F2: variants seen among roughly 807,000 people sequenced by gnomAD.
The protein encoded by F2 is prothrombin.
A neutral mutation model predicts 81.9 loss-of-function variants in F2; 34 were observed. The observed-to-expected ratio is 0.42, with a 90% CI of 0.32 to 0.55. F2 has a LOEUF of 0.55. Among genes scored for constraint, F2 ranks in the 20% least tolerant of loss-of-function variants. F2 has a pLI of 0.18. For missense variants in F2, 630 were observed against 833.4 expected (o/e 0.76, Z 3.00); for synonymous variants, 296 against 326.4 (o/e 0.91, Z 1.01).
At chr11:46,731,573 GAAA>G (rs35768741) in intron 12 of F2, among the ~76,000 whole-genome samples, 1 of 131,658 alleles carries the variant, frequency 7.6e-6, no homozygotes. Context: ...CTTTTATAGG[GAAA>G]AAAAAAAAAA....
At position 46,739,439 on chromosome 11, in the gene F2, C is replaced by T; in HGVS notation, c.*31C>T. The T allele has an allele frequency of 6.2e-7, 1 of 1,613,482 alleles. No homozygotes were observed. Among genetic ancestry groups the T allele is most frequent in the Non-Finnish European group, 8.5e-7 (1 of 1,179,788 alleles). ...CACTCATATTCTGGGCTCCTGGAAC[C>T]AATCCCGTGAAAGAATTATTTTTGT... is the stretch of plus-strand genomic sequence containing the variant. On this transcript the variant is annotated 3_prime_UTR_variant, in exon 14 of 14. Coordinates refer to ENST00000311907, the MANE Select transcript of F2 (RefSeq NM_000506.5).
At chr11:46,736,558 A>G (rs1383726048) in intron 12 of F2, among the ~76,000 whole-genome samples, 2 of 152,160 alleles carry the variant, frequency 1.3e-5, no homozygotes, top group Non-Finnish European at 2.9e-5. Context: ...TTGGCCTCCC[A>G]AAGTGTTGGG....
intron 4 of F2, among the ~76,000 whole-genome samples, chr11:46,722,137 G>A (rs769187333): frequency 6.6e-6 from 1 of 152,072 alleles, no homozygotes; most frequent in Non-Finnish European, 1.5e-5. Flanking sequence ...AATCCACTGC[G>A]CCCAGCCTCA....
rs780136935 is a variant in F2 at position 46,739,271 on chromosome 11, T to C, written c.1732T>C (p.Phe578Leu). The C allele has an allele frequency of 5.0e-6, 8 of 1,614,054 alleles. No individual in the cohort carries two copies. Among genetic ancestry groups the C allele is most frequent in the Non-Finnish European group, 6.8e-6 (8 of 1,180,044 alleles). Residue 578 changes from phenylalanine to leucine, a missense_variant, in exon 14 of 14, where the codon TTT becomes CTT. Transcript: ENST00000311907. ...SGGPFVMKSPFNNRWYQMGIV... is the reference protein window; with the variant it reads ...SGGPFVMKSPLNNRWYQMGIV... Reference sequence around the variant, plus strand: ...CCTCATCTTTCTTCTTCAGAGCCCCTTTAACAACCGCTGGTATCAAATGGG... The same window carrying C: ...CCTCATCTTTCTTCTTCAGAGCCCCCTTAACAACCGCTGGTATCAAATGGG...
chr11:46,720,019 G>C (rs1031279305), intron 2 of F2, 157 bp downstream of exon 2: 1 of 1,043,202 alleles, frequency 9.6e-7, no homozygotes. Flanking sequence ...AAGAGGAGCG[G>C]CCTCAGCCTT....
At chr11:46,732,858 C>T (rs527929718) in intron 12 of F2, among the ~76,000 whole-genome samples, 3 of 152,128 alleles carry the variant, frequency 2.0e-5, no homozygotes, top group Non-Finnish European at 4.4e-5. Context: ...TCAGGTTAAT[C>T]CTACTTTCCT....
At chr11:46,732,774 C>A (rs1489888449) in intron 12 of F2, among the ~76,000 whole-genome samples, 3 of 152,174 alleles carry the variant, frequency 2.0e-5, no homozygotes, top group Admixed American at 1.3e-4. Context: ...TCCCTTCAAG[C>A]TGGCTTCTGT....
rs1232820884 is a variant in F2 at position 46,723,132 on chromosome 11, G to C, written c.317-48G>C. The C allele has an allele frequency of 6.4e-7, 1 of 1,556,346 alleles. No individual in the cohort carries two copies. The highest frequency in any genetic ancestry group is 1.7e-5 in the Admixed American group (1 of 59,934). On this transcript the variant is annotated intron_variant, in intron 4 of 13. Coordinates refer to ENST00000311907, the MANE Select transcript of F2 (RefSeq NM_000506.5). This position sits in a 1 kb window ranked among gnomAD's most constrained non-coding sequence, Gnocchi z 5.6. ...GATAGACAACTTTGCAGGGAGAGAGGAAATAAGTCCCCAGGCTCCAAGGCT... is the reference window on the plus strand; with the variant it reads ...GATAGACAACTTTGCAGGGAGAGAGCAAATAAGTCCCCAGGCTCCAAGGCT...
chr11:46,729,579 G>C lies in F2; in HGVS notation c.1654+18G>C, dbSNP rs371099326. ...CTGTGCTGGCAAGTCTGTGCAGGGC[G>C]GGCTGAGGGAACAGTGGGGCCCAAG... On this transcript the variant is annotated intron_variant, in intron 12 of 13. Transcript: ENST00000311907. The C allele has an allele frequency of 6.2e-7, 1 of 1,604,862 alleles. No homozygotes were observed. The highest frequency in any genetic ancestry group is 1.1e-5 in the South Asian group (1 of 90,694).
At position 46,726,371 on chromosome 11, in the gene F2, C is replaced by A; in HGVS notation, c.875-127C>A. ...CCCAGGAGGTTATTGCCTAGTAGCCCAACTGTGCATGCACGCTTAACCTCT... is the reference window on the plus strand; with the variant it reads ...CCCAGGAGGTTATTGCCTAGTAGCCAAACTGTGCATGCACGCTTAACCTCT... On this transcript the variant is annotated intron_variant, in intron 7 of 13. Transcript: ENST00000311907. This position sits in a 1 kb window ranked among gnomAD's most constrained non-coding sequence, Gnocchi z 5.9. 2.0e-6 allele frequency: 3 copies of A among 1,515,284 alleles called. No homozygotes were observed. In the South Asian group the frequency reaches 3.6e-5, roughly 18 times the overall value. 93.9% of individuals were successfully genotyped at this position (1,515,284 alleles called of 1,614,324 possible).
chr11:46,721,756 C>T (rs1290850741), intron 4 of F2, among the ~76,000 whole-genome samples: 6 of 152,070 alleles, frequency 3.9e-5, no homozygotes, highest in Non-Finnish European at 7.4e-5. Context: ...TCTTGAACTC[C>T]TGGGCTCAGG....
intron 4 of F2, among the ~76,000 whole-genome samples, chr11:46,721,230 G>C (rs1226827640): frequency 6.6e-6 from 1 of 152,058 alleles, no homozygotes; most frequent in Non-Finnish European, 1.5e-5. Flanking sequence ...TTTTAGTAGA[G>C]ACGGGGTTTC....
Position 46,726,098 on chromosome 11 carries a change from G to T in F2, c.799G>T (p.Gly267Trp), listed in dbSNP as rs759581598. 15 of 1,614,086 alleles carry T rather than the reference G, an allele frequency of 9.3e-6. No individual in the cohort carries two copies. Among genetic ancestry groups the T allele is most frequent in the Non-Finnish European group, 8.5e-6 (10 of 1,180,050 alleles). Residue 267 changes from glycine to tryptophan, a missense_variant, in exon 7 of 14, where the codon GGG (glycine) becomes TGG (tryptophan). Gly to Trp is a radical substitution (Grantham distance 184, BLOSUM62 -2). Coordinates refer to ENST00000311907, the MANE Select transcript of F2 (RefSeq NM_000506.5). The surrounding 1 kb of genome is among the most constrained non-coding windows in gnomAD (Gnocchi z 5.9). ...LVENFCRNPDGDEEGVWCYVA... is the reference protein window; with the variant it reads ...LVENFCRNPDWDEEGVWCYVA... ...GGAGAACTTCTGCCGCAACCCAGAC[G>T]GGGATGAGGAGGGCGTGTGGTGCTA... is the stretch of plus-strand genomic sequence containing the variant.
Position 46,726,831 on chromosome 11 carries a change from C to T in F2, c.1124C>T (p.Ser375Leu). 1 of 1,614,104 alleles carries T rather than the reference C, an allele frequency of 6.2e-7. No individual in the cohort carries two copies. Among genetic ancestry groups the T allele is most frequent in the Non-Finnish European group, 8.5e-7 (1 of 1,180,026 alleles). ...GGCTCGGATGCAGAGATCGGCATGT[C>T]ACCTTGGTGTGTCCTGGAGCCCTGC... ...VEGSDAEIGM[S>L]PWQVMLFRKS... The change falls in exon 9 of 14, where the codon TCA becomes TTA. Residue 375 changes from serine to leucine, a missense_variant. Ser to Leu is a moderately radical substitution (Grantham distance 145, BLOSUM62 -2). Coordinates refer to ENST00000311907, the MANE Select transcript of F2 (RefSeq NM_000506.5). The surrounding 1 kb of genome is among the most constrained non-coding windows in gnomAD (Gnocchi z 5.9).
chr11:46,725,811 A>T, intron 6 of F2, 48 bp from the exon 7 acceptor site: 1 of 1,598,594 alleles, frequency 6.3e-7, no homozygotes, highest in Non-Finnish European at 8.6e-7. Context: ...GTTCCGGTCC[A>T]TGTGTGGTCT....
Position 46,728,274 on chromosome 11 carries a change from A to G in F2, c.1298+111A>G, listed in dbSNP as rs3136471. Reference sequence around the variant, plus strand: ...ATAGGATGTTCTGTATACCCCCCAGAATATAACATCCCAGCAGTCTCTGCT... The same window carrying G: ...ATAGGATGTTCTGTATACCCCCCAGGATATAACATCCCAGCAGTCTCTGCT... On this transcript the variant is annotated intron_variant, in intron 10 of 13. Coordinates refer to ENST00000311907, the MANE Select transcript of F2 (RefSeq NM_000506.5). This position sits in a 1 kb window ranked among gnomAD's most constrained non-coding sequence, Gnocchi z 5.1. The G allele has an allele frequency of 1.1e-3, 1,310 of 1,182,422 alleles. 16 individuals carry two copies. The African/African-American group carries it at 0.017, about 15-fold the overall frequency. The allele number at this position is 1,182,422 out of a possible 1,614,324, so 73.2% of individuals were successfully genotyped here. A position where few individuals can be genotyped will look rare whatever the true frequency, so the allele number is the denominator to read the frequency against.
At position 46,728,548 on chromosome 11, in the gene F2, C is replaced by T; in HGVS notation, c.1299-116C>T. 1.7e-6 allele frequency: 2 copies of T among 1,192,228 alleles called. No individual in the cohort carries two copies. The highest frequency in any genetic ancestry group is 2.5e-6 in the Non-Finnish European group (2 of 813,678). The allele number at this position is 1,192,228 out of a possible 1,614,324, so 73.9% of individuals were successfully genotyped here. On this transcript the variant is annotated intron_variant, in intron 10 of 13. Transcript: ENST00000311907. This position sits in a 1 kb window ranked among gnomAD's most constrained non-coding sequence, Gnocchi z 5.1. ...CTGCCATGGCAGGAACCAGCCCTAT[C>T]CCCTCCCTGGTGGCCTGCAGGACAC...
In F2 at chr11:46,723,566, C is replaced by A; in HGVS notation, c.559+48C>A. The A allele has an allele frequency of 6.4e-7, 1 of 1,571,430 alleles. No individual in the cohort carries two copies. ...GCCCATGGCCAAGGCCCGGGGGCTT[C>A]ATGGGGCCTGGCAGCCTGGGATGGG... is the stretch of plus-strand genomic sequence containing the variant. On this transcript the variant is annotated intron_variant, in intron 6 of 13. Transcript: ENST00000311907. This position sits in a 1 kb window ranked among gnomAD's most constrained non-coding sequence, Gnocchi z 5.6.
Position 46,719,395 on chromosome 11 carries a change from G to C in F2, c.79+81G>C, listed in dbSNP as rs1035565130. ...GGCTGGGGTCTCCTGGCTGGACAGA[G>C]CACACAGAGCTGGCCCCTAAGTAGG... On this transcript the variant is annotated intron_variant, in intron 1 of 13. Transcript: ENST00000311907. This position sits in a 1 kb window ranked among gnomAD's most constrained non-coding sequence, Gnocchi z 4.7. 1.2e-5 allele frequency: 18 copies of C among 1,484,288 alleles called. No individual in the cohort carries two copies. The highest frequency in any genetic ancestry group is 1.7e-5 in the Non-Finnish European group (18 of 1,085,342). The allele number at this position is 1,484,288 out of a possible 1,614,324, so 91.9% of individuals were successfully genotyped here. A position where few individuals can be genotyped will look rare whatever the true frequency, so the allele number is the denominator to read the frequency against.
Sources: allele counts gnomAD v4.1 joint callset (sites outside exome capture counted in the v4.1 genomes callset), GRCh38; gene constraint gnomAD v4.1.1; non-coding constraint Gnocchi (gnomAD v3.1); transcripts MANE v1.5; gene names NCBI Gene and HGNC (gene_info 2026-07-23, HGNC 2026-07-21).